The following ZFHX3 variants were observed in gnomAD, a reference collection of about 807,000 sequenced individuals.
ZFHX3 encodes the protein zinc finger homeobox protein 3.
Under a neutral mutation model 279.1 loss-of-function variants are expected in ZFHX3, and 42 were observed. The ratio of observed to expected loss-of-function variants is 0.15; its 90% CI spans 0.12 to 0.19. The LOEUF is 0.19. Among genes scored for constraint, ZFHX3 ranks in the 10% least tolerant of loss-of-function variants. The probability of loss-of-function intolerance (pLI) is 1.00; values close to 1 mark genes in which losing one functional copy is unlikely to be tolerated. For synonymous variants in ZFHX3, 2,293 were observed against 1,957.8 expected (o/e 1.17, Z -4.52); for missense variants, 4,981 against 4,754.0 (o/e 1.05, Z -1.40).
intron 2 of ZFHX3, among the ~76,000 whole-genome samples, chr16:73,668,336 G>A (rs943863972): frequency 2.6e-5 from 4 of 151,728 alleles, no homozygotes; most frequent in Non-Finnish European, 4.4e-5. Context: ...TTTAAGTTCT[G>A]GGATACATGT....
At chr16:73,555,442 C>A (rs1456228274) in intron 2 of ZFHX3, among the ~76,000 whole-genome samples, 2 of 151,964 alleles carry the variant, frequency 1.3e-5, no homozygotes, top group Non-Finnish European at 2.9e-5. Context: ...GCGTGAGCCA[C>A]CGCGCCCGGC....
At chr16:73,387,613 C>A (rs1256820626) in intron 3 of ZFHX3, among the ~76,000 whole-genome samples, 1 of 151,976 alleles carries the variant, frequency 6.6e-6, no homozygotes, top group Admixed American at 6.5e-5. Context: ...ATCTTCCCCC[C>A]ATCTTTTTCC....
At chr16:73,769,072 C>G (rs2053987233) in intron 1 of ZFHX3, among the ~76,000 whole-genome samples, 1 of 152,110 alleles carries the variant, frequency 6.6e-6, no homozygotes, top group Non-Finnish European at 1.5e-5. Flanking sequence ...TCGAACTAAA[C>G]TGGGCATCCT....
intron 1 of ZFHX3, among the ~76,000 whole-genome samples, chr16:73,716,893 C>T (rs1180282489): frequency 2.6e-5 from 4 of 151,926 alleles, no homozygotes; most frequent in East Asian, 1.9e-4. Context: ...TGTGAAGCCC[C>T]GTCATTATTT....
At chr16:72,866,036 A>T (rs922207748) in intron 4 of ZFHX3, among the ~76,000 whole-genome samples, 3 of 152,220 alleles carry the variant, frequency 2.0e-5, no homozygotes, top group Admixed American at 1.3e-4. Flanking sequence ...GCCCAGAAAG[A>T]TAATGTGATG....
intron 5 of ZFHX3, among the ~76,000 whole-genome samples, chr16:73,229,690 A>G (rs1354845096): frequency 6.6e-6 from 1 of 152,216 alleles, no homozygotes; most frequent in East Asian, 1.9e-4. Flanking sequence ...TAAGGAAAAT[A>G]TCGCAGAAAT....
At chr16:72,893,889 C>T (rs184098735) in intron 3 of ZFHX3, among the ~76,000 whole-genome samples, 9 of 152,174 alleles carry the variant, frequency 5.9e-5, no homozygotes, top group Non-Finnish European at 1.0e-4. Context: ...GTGGCTCACA[C>T]CTGTAAACCC....
Position 72,788,326 on chromosome 16 carries a change from G to T in ZFHX3, c.9950C>A (p.Pro3317His). Residue 3317 changes from proline (P) to histidine (H), a missense_variant, in exon 10 of 10, where the codon CCT (proline) becomes CAT (histidine). Coordinates refer to ENST00000268489, the MANE Select transcript of ZFHX3 (RefSeq NM_006885.4). ...GCCAGGGATCTGGGGAGCATAATAAGGAGAAAAGCCTGGTACAAAGTAAGG... is the reference window on the plus strand; with the variant it reads ...GCCAGGGATCTGGGGAGCATAATAATGAGAAAAGCCTGGTACAAAGTAAGG... ...FLPYFVPGFSPYYAPQIPGAL... is the reference protein window; with the variant it reads ...FLPYFVPGFSHYYAPQIPGAL... The T allele has an allele frequency of 6.2e-7, 1 of 1,614,144 alleles. No individual in the cohort carries two copies. The highest frequency in any genetic ancestry group is 8.5e-7 in the Non-Finnish European group (1 of 1,179,984).
At chr16:73,484,265 C>T in intron 2 of ZFHX3, among the ~76,000 whole-genome samples, 1 of 152,154 alleles carries the variant, frequency 6.6e-6, no homozygotes, top group East Asian at 1.9e-4. Flanking sequence ...CTTCCTGGAG[C>T]ATAGCTGGGC....
chr16:72,980,112 T>C (rs1962523791), intron 1 of ZFHX3, among the ~76,000 whole-genome samples: 1 of 152,168 alleles, frequency 6.6e-6, no homozygotes. Context: ...TAGACAAGAA[T>C]ACTGACCCCA....
intron 2 of ZFHX3, among the ~76,000 whole-genome samples, chr16:73,615,664 A>C (rs1410608829): frequency 1.3e-5 from 2 of 152,226 alleles, no homozygotes; most frequent in African/African-American, 4.8e-5. Flanking sequence ...TCAGTGGATG[A>C]TTCACAGCAA....
At chr16:73,186,906 T>C (rs1215350756) in intron 5 of ZFHX3, among the ~76,000 whole-genome samples, 2 of 152,136 alleles carry the variant, frequency 1.3e-5, no homozygotes, top group Non-Finnish European at 1.5e-5. Flanking sequence ...AAATTATCTC[T>C]CTAACTCTAA....
Position 72,794,906 on chromosome 16 carries a change from G to A in ZFHX3, c.7776C>T (p.Ala2592=), listed in dbSNP as rs1597237359. ...CTGAGCTTGCTGGAATCTGAGGTAT[G>A]GCCCCAGAGAGCAGCTGGCTGGCCA... ...PLLASQLLSG[A]IPQIPASSAT... is the part of the protein sequence containing the mutation. Residue 2592 remains alanine (A), a synonymous_variant, in exon 9 of 10, where the codon GCC becomes GCT. Transcript: ENST00000268489. The surrounding 1 kb of genome is among the most constrained non-coding windows in gnomAD (Gnocchi z 4.2). The A allele has an allele frequency of 6.2e-7, 1 of 1,614,100 alleles. No homozygotes were observed. The highest frequency in any genetic ancestry group is 1.1e-5 in the South Asian group (1 of 91,084).
chr16:72,867,727 A>G (rs1441412473), intron 4 of ZFHX3, among the ~76,000 whole-genome samples: 11 of 146,886 alleles, frequency 7.5e-5, no homozygotes, highest in Non-Finnish European at 1.4e-4. Flanking sequence ...ACAGGGGAAA[A>G]AAAAAAAAAG....
At chr16:73,625,471 C>T (rs140718012) in intron 2 of ZFHX3, among the ~76,000 whole-genome samples, 2 of 152,258 alleles carry the variant, frequency 1.3e-5, no homozygotes, top group Non-Finnish European at 2.9e-5. Context: ...AGAATTAAGC[C>T]GTCATCCTGC....
At chr16:72,792,280 G>A (rs1388405068) in intron 9 of ZFHX3, among the ~76,000 whole-genome samples, 1 of 152,070 alleles carries the variant, frequency 6.6e-6, no homozygotes, top group East Asian at 1.9e-4. Context: ...AAAAAAAGAG[G>A]TGACTGAGGA....
At chr16:73,681,273 T>C (rs144879698) in intron 1 of ZFHX3, among the ~76,000 whole-genome samples, 55 of 152,240 alleles carry the variant, frequency 3.6e-4, no homozygotes, top group Non-Finnish European at 3.2e-4. Context: ...GAGTGATAAA[T>C]AGTGATTGAT....
At chr16:72,846,199 A>G (rs1428131544) in intron 4 of ZFHX3, among the ~76,000 whole-genome samples, 1 of 152,228 alleles carries the variant, frequency 6.6e-6, no homozygotes, top group African/African-American at 2.4e-5. Context: ...CTAAGGGTCA[A>G]CGATAAAGTA....
At position 72,950,538 on chromosome 16, in the gene ZFHX3, G is replaced by T; in HGVS notation, c.3147C>A (p.Thr1049=). ...GCAGCCGCAGCTTCTCCAGGCTGTT[G>T]GTGTAGTAGTCACAGGCGTTGCACT... ...HLKCNACDYY[T]NSLEKLRLHT... is the part of the protein sequence containing the mutation. The change falls in exon 3 of 10, where the codon ACC becomes ACA. Residue 1049 remains threonine, a synonymous_variant. Transcript: ENST00000268489. 6.2e-7 allele frequency: 1 copy of T among 1,614,226 alleles called. No homozygotes were observed.
Sources: gnomAD v4.1 joint callset for allele counts (sites outside exome capture counted in the v4.1 genomes callset) on GRCh38, gnomAD v4.1.1 for gene constraint, Gnocchi (gnomAD v3.1) non-coding constraint, MANE v1.5 for transcripts, NCBI Gene and HGNC (gene_info 2026-07-23, HGNC 2026-07-21) for gene names.